CCT5: variants seen among roughly 807,000 people sequenced by gnomAD.
CCT5 encodes T-complex protein 1 subunit epsilon.
CCT5 carries 6 observed loss-of-function variants against 55.0 expected under a neutral mutation model. The observed-to-expected ratio is 0.11, with a 90% CI of 0.06 to 0.22. CCT5 has a LOEUF of 0.22. Among genes scored for constraint, CCT5 ranks in the 10% least tolerant of loss-of-function variants. The pLI, the probability that CCT5 is intolerant of heterozygous loss-of-function variation, is 1.00. For synonymous variants in CCT5, 231 were observed against 243.7 expected (o/e 0.95, Z 0.49); for missense variants, 560 against 694.6 (o/e 0.81, Z 2.18).
intron 1 of CCT5, among the ~76,000 whole-genome samples, chr5:10,251,129 T>C (rs1745380524): frequency 6.6e-6 from 1 of 152,172 alleles, no homozygotes; most frequent in African/African-American, 2.4e-5. Flanking sequence ...TGGGCAAGAA[T>C]GCGCATGGCA....
chr5:10,258,041 T>G, intron 4 of CCT5, 70 bp from the exon 5 acceptor site: 1 of 1,437,750 alleles, frequency 7.0e-7, no homozygotes, highest in Non-Finnish European at 9.8e-7. Flanking sequence ...AGTAACATTG[T>G]GTTATGTGGC....
intron 1 of CCT5, chr5:10,250,919 ATT>A (rs1162975524): frequency 2.0e-6 from 2 of 978,030 alleles, no homozygotes; most frequent in African/African-American, 3.5e-5. Flanking sequence ...AGGGTATTTC[ATT>A]TCTGAGTGCT....
chr5:10,251,860 A>G (rs1745438266), intron 1 of CCT5, among the ~76,000 whole-genome samples: 1 of 152,266 alleles, frequency 6.6e-6, no homozygotes, highest in African/African-American at 2.4e-5. Flanking sequence ...TGGTGTAACA[A>G]CATAACTAAA....
intron 1 of CCT5, 168 bp downstream of exon 1, chr5:10,250,613 A>G (rs887547782): frequency 6.9e-7 from 1 of 1,449,598 alleles, no homozygotes; most frequent in South Asian, 1.4e-5. Context: ...TGAGCTCGGG[A>G]GACGCCGGCG....
chr5:10,254,649 A>C (rs761623982), intron 2 of CCT5, 25 bp from the exon 3 acceptor site: 1 of 1,613,192 alleles, frequency 6.2e-7, no homozygotes, highest in Non-Finnish European at 8.5e-7. Context: ...TTTTTGCGCA[A>C]AGCCTACTAA....
Position 10,258,254 on chromosome 5 carries a change from T to C in CCT5, c.674T>C (p.Ile225Thr). The C allele has an allele frequency of 6.2e-7, 1 of 1,614,220 alleles. No homozygotes were observed. The highest frequency in any genetic ancestry group is 8.5e-7 in the Non-Finnish European group (1 of 1,180,032). The change falls in exon 5 of 11, where the codon ATT becomes ACT. Residue 225 changes from isoleucine (I) to threonine (T), a missense_variant. Ile to Thr is a moderately conservative substitution (Grantham distance 89). This residue lies in a region of CCT5 where 256 missense variants were observed against 372.4 expected (regional missense o/e 0.69). Transcript: ENST00000280326. ...GGCAGGCTGGAGGACACTAAACTGA[T>C]TAAGGGCGTGATTGTGGACAAGGAT... ...VGGRLEDTKL[I>T]KGVIVDKDFS...
Position 10,254,582 on chromosome 5 carries a change from C to CAGA in CCT5, c.167-91_167-89dup, listed in dbSNP as rs759318698. ...CATTATTTGTATATAATAAATTGCA[C>CAGA]AGATAAGAGCTGGGTCAGGAGGTCT... On this transcript the variant is annotated intron_variant, in intron 2 of 10. Transcript: ENST00000280326. 8.5e-5 allele frequency: 92 copies of CAGA among 1,082,706 alleles called. 1 individual carries two copies. The highest frequency in any genetic ancestry group is 2.0e-4 in the Middle Eastern group (1 of 5,074). 67.1% of individuals were successfully genotyped at this position (1,082,706 alleles called of 1,614,324 possible).
chr5:10,261,685 C>G lies in CCT5; in HGVS notation c.1119C>G (p.Val373=). The change falls in exon 8 of 11, where the codon GTC becomes GTG. Residue 373 remains valine (V), a synonymous_variant. Transcript: ENST00000280326. ...SFGTTKDKML[V]IEQCKNSRAV... ...GGACAACTAAGGATAAAATGCTGGT[C>G]ATCGAGCAGTGTAAGAACTCCAGAG... is the stretch of plus-strand genomic sequence containing the variant. The G allele has an allele frequency of 3.1e-6, 5 of 1,613,962 alleles. No individual in the cohort carries two copies. Among genetic ancestry groups the G allele is most frequent in the Non-Finnish European group, 4.2e-6 (5 of 1,179,912 alleles).
intron 8 of CCT5, 118 bp from the exon 9 acceptor site, chr5:10,262,363 G>C (rs2126516541): frequency 6.5e-6 from 7 of 1,078,030 alleles, no homozygotes; most frequent in Non-Finnish European, 2.8e-6. Flanking sequence ...TTATCCGATA[G>C]TGGAGGCCAT....
intron 1 of CCT5, among the ~76,000 whole-genome samples, chr5:10,253,201 G>A (rs2445866): frequency 0.74 from 112,156 of 152,036 alleles, 43,598 homozygotes; most frequent in East Asian, 0.87. Context: ...GTCATGGCGC[G>A]TGCCTGTAAT....
rs1745927457 is a variant in CCT5 at position 10,260,886 on chromosome 5, G to A, written c.968G>A (p.Arg323His). ...CTTCAGAACAACTTGCCTGCGGTTC[G>A]CTGGGTAGGAGGACCTGAAATTGAG... ...LLLQNNLPAV[R>H]WVGGPEIELI... is the part of the protein sequence containing the mutation. Residue 323 changes from arginine to histidine, a missense_variant, in exon 7 of 11, where the codon CGC becomes CAC. This residue lies in a region of CCT5 where 256 missense variants were observed against 372.4 expected (regional missense o/e 0.69). Transcript: ENST00000280326. 1.2e-6 allele frequency: 2 copies of A among 1,614,058 alleles called. No homozygotes were observed. The highest frequency in any genetic ancestry group is 1.7e-6 in the Non-Finnish European group (2 of 1,179,950).
chr5:10,250,054 T>C, upstream of CCT5: 2 of 1,541,136 alleles, frequency 1.3e-6, no homozygotes, highest in Non-Finnish European at 1.7e-6. Context: ...TGGTAACGTT[T>C]TAAAAAATGA....
chr5:10,255,224 A>G (rs1745613190), intron 3 of CCT5, among the ~76,000 whole-genome samples: 1 of 152,258 alleles, frequency 6.6e-6, no homozygotes, highest in Non-Finnish European at 1.5e-5. Context: ...TCTCAGCTGT[A>G]TACCTAAATA....
upstream of CCT5, chr5:10,250,160 G>T: frequency 3.9e-6 from 6 of 1,537,170 alleles, no homozygotes; most frequent in South Asian, 1.2e-5. Context: ...AGAAGTTCCC[G>T]AAGGCCGCCG....
intron 6 of CCT5, among the ~76,000 whole-genome samples, chr5:10,258,766 A>G (rs1433958639): frequency 1.3e-5 from 2 of 152,180 alleles, no homozygotes; most frequent in African/African-American, 4.8e-5. Context: ...TTGGGAGGCT[A>G]AGGCAGGCAG....
In CCT5 at chr5:10,256,092, G is replaced by T. The variant is rs753294597; in HGVS notation, c.469G>T (p.Val157Phe). The change falls in exon 4 of 11, where the codon GTT (valine) becomes TTT (phenylalanine). Residue 157 changes from valine (V) to phenylalanine (F), a missense_variant. Val to Phe is a conservative substitution (Grantham distance 50). Transcript: ENST00000280326. ...HLDKISDSVL[V>F]DIKDTEPLIQ... is the part of the protein sequence containing the mutation. ...GGACAAGATCAGCGATAGCGTCCTT[G>T]TTGACATAAAGGACACCGAACCCCT... 2.7e-5 allele frequency: 44 copies of T among 1,613,884 alleles called. No individual in the cohort carries two copies. The highest frequency in any genetic ancestry group is 3.3e-4 in the Middle Eastern group (2 of 6,070).
At chr5:10,254,500 C>A (rs1236595252) in intron 2 of CCT5, 174 bp from the exon 3 acceptor site, 4 of 666,150 alleles carry the variant, frequency 6.0e-6, no homozygotes, top group Non-Finnish European at 1.1e-5. Context: ...AATGTTTTGC[C>A]AATTATGTTA....
rs1356525147 is a variant in CCT5 at position 10,265,619 on chromosome 5, TC to T, written c.*837del. The T allele has an allele frequency of 3.3e-4, 50 of 152,088 alleles. 1 individual carries two copies. Among genetic ancestry groups the T allele is most frequent in the African/African-American group, 1.2e-3 (49 of 41,404 alleles). 9.4% of individuals were successfully genotyped at this position (152,088 alleles called of 1,614,324 possible). On this transcript the variant is annotated 3_prime_UTR_variant, in exon 11 of 11. Transcript: ENST00000280326. ...CGCTCCGAGAACTCTACCGGGATTG[TC>T]TGTTCTGACAACCCAGTGAGGCAGA... is the stretch of plus-strand genomic sequence containing the variant.
At chr5:10,262,107 A>G (rs1745994660) in intron 8 of CCT5, 5 of 391,294 alleles carry the variant, frequency 1.3e-5, no homozygotes, top group South Asian at 8.7e-5. Context: ...TTTAATTACA[A>G]TATGGTATTA....
Sources: gnomAD v4.1 joint callset for allele counts (sites outside exome capture counted in the v4.1 genomes callset) on GRCh38, gnomAD v4.1.1 for gene constraint, gnomAD v4.1.1 regional missense constraint, MANE v1.5 for transcripts, NCBI Gene and HGNC (gene_info 2026-07-23, HGNC 2026-07-21) for gene names.